The following PCDH15 variants were observed in gnomAD, a reference collection of about 807,000 sequenced individuals.
The protein encoded by PCDH15 is protocadherin related 15, also known as protocadherin-15.
A neutral mutation model predicts 178.5 loss-of-function variants in PCDH15; 129 were observed. That is an observed-to-expected ratio of 0.72 (90% CI 0.63 to 0.84). The LOEUF is 0.84. Ranked by LOEUF, PCDH15 falls within the 40% of genes least tolerant of loss-of-function variation. The pLI is 0.00. For missense variants in PCDH15, 2,230 were observed against 2,099.9 expected (o/e 1.06, Z -1.21); for synonymous variants, 800 against 732.0 (o/e 1.09, Z -1.50).
At chr10:55,369,165 C>G (rs1219786400) in intron 2 of PCDH15, among the ~76,000 whole-genome samples, 1 of 151,768 alleles carries the variant, frequency 6.6e-6, no homozygotes, top group Non-Finnish European at 1.5e-5. Context: ...TCAACTAAAG[C>G]AAGTATAGGA....
chr10:55,314,716 TTCTTA>T lies in PCDH15; in HGVS notation c.-156+4878_-156+4882del, dbSNP rs1382522065. ...CAAATGTAGTAGAATTGTCTTCTTA[TTCTTA>T]TCTTAAGTAGCTCAGTTACGTTTTT... is the stretch of plus-strand genomic sequence containing the variant. On this transcript the variant is annotated intron_variant, in intron 1 of 5. Coordinates refer to the PCDH15 transcript ENST00000458638. Among the ~76,000 whole-genome samples the T allele has an allele frequency of 2.8e-4, 43 of 152,324 alleles. No homozygotes were observed. The South Asian group carries it at 2.9e-3, about 10-fold the overall frequency.
intron 1 of PCDH15, among the ~76,000 whole-genome samples, chr10:54,764,660 G>GA (rs1318510471): frequency 6.6e-6 from 1 of 152,022 alleles, no homozygotes; most frequent in Non-Finnish European, 1.5e-5. Context: ...GTGTTGATAC[G>GA]ATAGACCAAG....
At chr10:55,016,197 T>C (rs1392788205) in intron 2 of PCDH15, among the ~76,000 whole-genome samples, 1 of 151,410 alleles carries the variant, frequency 6.6e-6, no homozygotes, top group Non-Finnish European at 1.5e-5. Flanking sequence ...TGCGTAATAA[T>C]CACATCAGGG....
intron 20 of PCDH15, among the ~76,000 whole-genome samples, chr10:54,009,942 G>A (rs2092519217): frequency 6.6e-6 from 1 of 152,202 alleles, no homozygotes; most frequent in African/African-American, 2.4e-5. Flanking sequence ...TGTAGCTCCT[G>A]CAGCAGTGGA....
intron 2 of PCDH15, among the ~76,000 whole-genome samples, chr10:55,496,191 C>T (rs957638764): frequency 6.6e-6 from 1 of 151,580 alleles, no homozygotes; most frequent in Non-Finnish European, 1.5e-5. Flanking sequence ...CTCAATAAAA[C>T]TTAAAGACAT....
intron 2 of PCDH15, among the ~76,000 whole-genome samples, chr10:54,925,388 A>G (rs1270637672): frequency 1.3e-5 from 2 of 151,240 alleles, no homozygotes; most frequent in African/African-American, 4.9e-5. Context: ...AATGCCTCCA[A>G]ATTTTTCTTT....
chr10:54,277,697 T>A (rs928917929), intron 8 of PCDH15, among the ~76,000 whole-genome samples: 1 of 151,662 alleles, frequency 6.6e-6, no homozygotes, highest in African/African-American at 2.4e-5. Flanking sequence ...GTAGCAATAT[T>A]TCTTGGTTAC....
chr10:54,061,147 C>G (rs1033796872), intron 18 of PCDH15, among the ~76,000 whole-genome samples: 23 of 152,094 alleles, frequency 1.5e-4, no homozygotes, highest in Non-Finnish European at 3.2e-4. Context: ...TCTGCTCCCC[C>G]AAAGACTTGG....
At chr10:53,813,201 C>T (rs181335554) in intron 35 of PCDH15, among the ~76,000 whole-genome samples, 158 of 152,202 alleles carry the variant, frequency 1.0e-3, no homozygotes, top group Non-Finnish European at 1.8e-3. Flanking sequence ...GTATCCCCAA[C>T]GACACTTTTC....
At chr10:55,156,266 A>ATACGATTT (rs1171868341) in intron 2 of PCDH15, among the ~76,000 whole-genome samples, 1 of 152,144 alleles carries the variant, frequency 6.6e-6, no homozygotes, top group Non-Finnish European at 1.5e-5. Flanking sequence ...TTAAGAAAAC[A>ATACGATTT]TACGATTTTA....
chr10:53,808,600 C>A lies in PCDH15; in HGVS notation c.4672-1470G>T. ...TCATATCAAAATCTTGATCAATTTC[C>A]TCCCTTTCAAGTGTCACTTTGGAGA... is the stretch of plus-strand genomic sequence containing the variant. On this transcript the variant is annotated intron_variant, in intron 37 of 37. Coordinates refer to ENST00000644397, the MANE Select transcript of PCDH15 (RefSeq NM_001384140.1). The A allele has an allele frequency of 2.7e-6, 4 of 1,481,182 alleles. No homozygotes were observed. In the East Asian group the frequency reaches 7.2e-5, roughly 27 times the overall value. The allele number at this position is 1,481,182 out of a possible 1,614,324, so 91.8% of individuals were successfully genotyped here.
At chr10:54,084,059 C>T (rs569556394) in intron 16 of PCDH15, among the ~76,000 whole-genome samples, 21 of 148,636 alleles carry the variant, frequency 1.4e-4, no homozygotes, top group African/African-American at 4.8e-4. Flanking sequence ...GAAACACTGT[C>T]TCTCTCTTTT....
intron 21 of PCDH15, among the ~76,000 whole-genome samples, chr10:53,984,820 G>A (rs2090984658): frequency 6.6e-6 from 1 of 151,820 alleles, no homozygotes; most frequent in South Asian, 2.1e-4. Context: ...ACCATTTATG[G>A]TACATTGTAT....
At chr10:54,198,972 T>G (rs2049966106) in intron 10 of PCDH15, among the ~76,000 whole-genome samples, 2 of 152,192 alleles carry the variant, frequency 1.3e-5, no homozygotes, top group African/African-American at 4.8e-5. Context: ...TCATATATCA[T>G]TAGTTTTTAC....
chr10:55,421,352 T>C (rs1179612614), intron 2 of PCDH15, among the ~76,000 whole-genome samples: 2 of 150,556 alleles, frequency 1.3e-5, no homozygotes, highest in Non-Finnish European at 3.0e-5. Context: ...AAATAATATT[T>C]TATTTTTAAC....
At chr10:54,993,819 GAATAA>G (rs1029637606) in intron 2 of PCDH15, among the ~76,000 whole-genome samples, 4 of 151,920 alleles carry the variant, frequency 2.6e-5, no homozygotes, top group African/African-American at 9.7e-5. Context: ...TTTTGTTACT[GAATAA>G]AATAAATTTT....
intron 2 of PCDH15, among the ~76,000 whole-genome samples, chr10:55,127,342 T>C (rs1837927421): frequency 6.6e-6 from 1 of 152,076 alleles, no homozygotes; most frequent in African/African-American, 2.4e-5. Flanking sequence ...ATGTTTCAGA[T>C]GTGGAACACT....
At position 55,086,985 on chromosome 10, in the gene PCDH15, T is replaced by G. The variant is rs572287019; in HGVS notation, c.-80+79591A>C. 4.5e-4 allele frequency among the ~76,000 whole-genome samples: 69 copies of G among 152,184 alleles called. No homozygotes were observed. The Middle Eastern group carries it at 0.024, about 53-fold the overall frequency. ...ATGGTTCAAGAATAAAAATGTTCTTTGCAGTATTTTTGCTAGTTTTATATC... is the reference window on the plus strand; with the variant it reads ...ATGGTTCAAGAATAAAAATGTTCTTGGCAGTATTTTTGCTAGTTTTATATC... On this transcript the variant is annotated intron_variant, in intron 2 of 5. Transcript: ENST00000458638.
intron 1 of PCDH15, among the ~76,000 whole-genome samples, chr10:55,226,501 C>T (rs1044861437): frequency 3.3e-5 from 5 of 151,936 alleles, no homozygotes; most frequent in African/African-American, 1.2e-4. Flanking sequence ...CCTGCCTCAG[C>T]CTCCTGAGTA....
Sources: allele counts gnomAD v4.1 joint callset (sites outside exome capture counted in the v4.1 genomes callset), GRCh38; gene constraint gnomAD v4.1.1; transcripts MANE v1.5; gene names NCBI Gene and HGNC (gene_info 2026-07-23, HGNC 2026-07-21).